Variants in SLC25A53 observed in about 807,000 individuals in gnomAD.
SLC25A53 encodes the protein solute carrier family 25 member 53.
In SLC25A53, 5 loss-of-function variants were observed where a neutral mutation model predicts 15.0. The observed-to-expected ratio is 0.33, with a 90% CI of 0.17 to 0.70. The LOEUF is 0.70. Ranked by LOEUF, SLC25A53 falls within the 30% of genes least tolerant of loss-of-function variation. SLC25A53 has a pLI of 0.67. For synonymous variants in SLC25A53, 95 were observed against 100.0 expected, an observed-to-expected ratio of 0.95 and a Z score of 0.30; for missense variants, 216 against 241.6, an observed-to-expected ratio of 0.89 and a Z score of 0.70.
intron 1 of SLC25A53, chrX:104,115,700 A>G (rs2075374299): frequency 1.2e-5 from 2 of 172,850 alleles, no homozygotes; most frequent in Non-Finnish European, 2.3e-5. Flanking sequence ...GTCCTTCCAG[A>G]TATCTCCCTG....
Position 104,104,821 on chromosome X carries a change from C to A in SLC25A53, c.437G>T (p.Arg146Leu). Residue 146 changes from arginine (R) to leucine (L), a missense_variant, in exon 2 of 2, where the codon CGC (arginine) becomes CTC (leucine). Transcript: ENST00000594199. The stretch of plus-strand genomic sequence containing the variant: ...GGTGCTGGGGAAGCGAGCTTGCTTG[C>A]GACCATCCTGGAGCACATTTTGCAC... ...ERVQNVLQDG[R>L]KQARFPSTFS... The A allele has an allele frequency of 2.5e-6, 3 of 1,211,688 alleles. No homozygotes were observed. The highest frequency in any genetic ancestry group is 3.4e-6 in the Non-Finnish European group (3 of 895,520).
At chrX:104,153,706 GCTA>G (rs1348634262) in intron 1 of SLC25A53, among the ~76,000 whole-genome samples, 4 of 112,262 alleles carry the variant, frequency 3.6e-5, no homozygotes, top group Non-Finnish European at 7.5e-5. Context: ...ATAGAAAACT[GCTA>G]CTTTGTGTTT....
chrX:104,104,745 T>C lies in SLC25A53; in HGVS notation c.513A>G (p.Ser171=), dbSNP rs782351129. 8.3e-7 allele frequency: 1 copy of C among 1,211,362 alleles called. No homozygotes were observed. ...FNSYGLWGRL[S]LGYYRGFWPV... is the part of the protein sequence containing the mutation. ...GCCAGAAACCACGATAGTAGCCCAG[T>C]GACAGCCGCCCCCAAAGCCCATAAG... is the stretch of plus-strand genomic sequence containing the variant. The change falls in exon 2 of 2, where the codon TCA becomes TCG. Residue 171 remains serine (S), a synonymous_variant. Transcript: ENST00000594199.
intron 1 of SLC25A53, among the ~76,000 whole-genome samples, chrX:104,145,768 G>C (rs1220426785): frequency 2.7e-5 from 3 of 111,964 alleles, no homozygotes; most frequent in African/African-American, 9.7e-5. Context: ...GGAAGAAGTA[G>C]AATCTCTGAA....
intron 1 of SLC25A53, among the ~76,000 whole-genome samples, chrX:104,116,096 T>G (rs782186281): frequency 1.9e-5 from 2 of 106,644 alleles, no homozygotes; most frequent in Non-Finnish European, 3.8e-5. Flanking sequence ...CTTGAACATA[T>G]CATGAGACAT....
chrX:104,124,766 C>T (rs1556363853), intron 1 of SLC25A53, among the ~76,000 whole-genome samples: 1 of 106,177 alleles, frequency 9.4e-6, no homozygotes, highest in African/African-American at 3.4e-5. Flanking sequence ...AAAAAAAATA[C>T]ATTCAATTTA....
At chrX:104,112,498 T>C (rs2075352147) in intron 1 of SLC25A53, 1 of 113,750 alleles carries the variant, frequency 8.8e-6, no homozygotes, top group Non-Finnish European at 1.9e-5. Flanking sequence ...GCCCCGCTGA[T>C]TGGCCGCGTC....
intron 1 of SLC25A53, among the ~76,000 whole-genome samples, chrX:104,143,237 G>A (rs1326307886): frequency 9.0e-6 from 1 of 111,568 alleles, no homozygotes; most frequent in Non-Finnish European, 1.9e-5. Flanking sequence ...GAAGAAAACT[G>A]GACAGAGAAT....
intron 1 of SLC25A53, among the ~76,000 whole-genome samples, chrX:104,153,378 T>A (rs142244761): frequency 0.011 from 1,183 of 111,026 alleles, 21 homozygotes; most frequent in African/African-American, 0.036. Flanking sequence ...TTTCTATATA[T>A]GCTCCATTAT....
In SLC25A53 at chrX:104,111,157, C is replaced by G. The variant is rs1317957920; in HGVS notation, c.-31-5869G>C. Among the ~76,000 whole-genome samples the G allele has an allele frequency of 5.3e-5, 6 of 112,361 alleles. No homozygotes were observed. In the East Asian group the frequency reaches 8.4e-4, roughly 16 times the overall value. ...GTGTTTAGAAAAGTGGTTCATGAATCTCTCTACACCTCAGAATCAACTACA... is the reference window on the plus strand; with the variant it reads ...GTGTTTAGAAAAGTGGTTCATGAATGTCTCTACACCTCAGAATCAACTACA... On this transcript the variant is annotated intron_variant, in intron 1 of 1. Coordinates refer to ENST00000594199, the MANE Select transcript of SLC25A53 (RefSeq NM_001012755.5).
intron 1 of SLC25A53, among the ~76,000 whole-genome samples, chrX:104,108,736 G>T (rs1556357191): frequency 9.0e-6 from 1 of 111,615 alleles, no homozygotes; most frequent in Non-Finnish European, 1.9e-5. Context: ...AGTCCACATG[G>T]GTAGACTGTG....
In SLC25A53 at chrX:104,137,480, A is replaced by G. The variant is rs781921952; in HGVS notation, c.-32+19398T>C. On this transcript the variant is annotated intron_variant, in intron 1 of 1. Coordinates refer to ENST00000594199, the MANE Select transcript of SLC25A53 (RefSeq NM_001012755.5). ...TCCTTTCATGTGTGAACAAACATAA[A>G]CCTGAAAAAGCCAATCCTTCAAGAT... Among the ~76,000 whole-genome samples, 3 of 110,904 alleles carry G rather than the reference A, an allele frequency of 2.7e-5. No individual in the cohort carries two copies. In the South Asian group the frequency reaches 1.2e-3, roughly 43 times the overall value.
rs181271641 is a variant in SLC25A53, at chrX:104,105,246, C to T, written c.12G>A (p.Gln4=). ...GAAGCTCCTTCCCGGGAGAGTGGTT[C>T]TGCTCCCCCATGCTGAAGACAACTG... MGE[Q]NHSPGKELQH... Residue 4 remains glutamine, a synonymous_variant, in exon 2 of 2, where the codon CAG becomes CAA. Coordinates refer to ENST00000594199, the MANE Select transcript of SLC25A53 (RefSeq NM_001012755.5). 25 of 1,204,174 alleles carry T rather than the reference C, an allele frequency of 2.1e-5. No individual in the cohort carries two copies. The highest frequency in any genetic ancestry group is 2.6e-5 in the Non-Finnish European group (23 of 892,027).
chrX:104,140,470 C>T (rs1556367344), intron 1 of SLC25A53, among the ~76,000 whole-genome samples: 1 of 110,869 alleles, frequency 9.0e-6, no homozygotes, highest in African/African-American at 3.3e-5. Context: ...TGAACTACTT[C>T]TTACCACCTA....
rs781817043 is a variant in SLC25A53, at chrX:104,150,500, G to A, written c.-32+6378C>T. On this transcript the variant is annotated intron_variant, in intron 1 of 1. Transcript: ENST00000594199. ...TCATAAACTGCCACTATCAGACAAG[G>A]CCAATATGTGACCACAGTGACCAAT... Among the ~76,000 whole-genome samples the A allele has an allele frequency of 3.6e-5, 4 of 111,361 alleles. No homozygotes were observed. The South Asian group carries it at 1.5e-3, about 42-fold the overall frequency.
intron 1 of SLC25A53, among the ~76,000 whole-genome samples, chrX:104,130,046 C>T (rs1556365191): frequency 9.0e-6 from 1 of 110,703 alleles, no homozygotes; most frequent in Admixed American, 9.8e-5. Context: ...CATTGCATTT[C>T]CACTTTCTTT....
intron 1 of SLC25A53, among the ~76,000 whole-genome samples, chrX:104,151,912 G>A (rs1417070688): frequency 8.9e-6 from 1 of 111,939 alleles, no homozygotes; most frequent in Non-Finnish European, 1.9e-5. Context: ...AGACAGATGA[G>A]GACTACTGTG....
intron 1 of SLC25A53, among the ~76,000 whole-genome samples, chrX:104,152,170 G>A (rs1303255356): frequency 9.3e-6 from 1 of 107,821 alleles, no homozygotes; most frequent in Admixed American, 9.9e-5. Context: ...TTGGTGTGCT[G>A]CACCCATTAA....
chrX:104,137,627 T>A (rs1182210903), intron 1 of SLC25A53, among the ~76,000 whole-genome samples: 1 of 111,687 alleles, frequency 9.0e-6, no homozygotes, highest in Non-Finnish European at 1.9e-5. Flanking sequence ...TTTCAGACTT[T>A]CAGTGCTTCC....
Sources: allele counts gnomAD v4.1 joint callset (sites outside exome capture counted in the v4.1 genomes callset), GRCh38; gene constraint gnomAD v4.1.1; transcripts MANE v1.5; gene names NCBI Gene and HGNC (gene_info 2026-07-23, HGNC 2026-07-21).